IGF2BP2: variants seen among roughly 807,000 people sequenced by gnomAD.
IGF2BP2 encodes the protein insulin like growth factor 2 mRNA binding protein 2, also known as insulin-like growth factor 2 mRNA-binding protein 2.
Under a neutral mutation model 75.8 loss-of-function variants are expected in IGF2BP2, and 17 were observed. The ratio of observed to expected loss-of-function variants is 0.22; its 90% CI spans 0.15 to 0.34. The LOEUF is 0.34. Ranked by LOEUF, IGF2BP2 falls within the 10% of genes least tolerant of loss-of-function variation. IGF2BP2 has a pLI of 1.00. For missense variants in IGF2BP2, 516 were observed against 772.4 expected, an observed-to-expected ratio of 0.67 and a Z score of 3.93; for synonymous variants, 288 against 295.6, an observed-to-expected ratio of 0.97 and a Z score of 0.26.
At chr3:185,801,712 GCA>G (rs1738305476) in intron 2 of IGF2BP2, among the ~76,000 whole-genome samples, 1 of 151,976 alleles carries the variant, frequency 6.6e-6, no homozygotes. Context: ...ATAAACACAT[GCA>G]CACTTATGTT....
chr3:185,661,025 TAAG>T, intron 10 of IGF2BP2, among the ~76,000 whole-genome samples: 1 of 152,308 alleles, frequency 6.6e-6, no homozygotes, highest in Non-Finnish European at 1.5e-5. Flanking sequence ...GAACTCAGGG[TAAG>T]AAAGAGATTT....
At chr3:185,740,884 C>T (rs1729458450) in intron 2 of IGF2BP2, among the ~76,000 whole-genome samples, 1 of 152,070 alleles carries the variant, frequency 6.6e-6, no homozygotes, top group Non-Finnish European at 1.5e-5. Context: ...TTTTATTTTA[C>T]TTATTTATTT....
chr3:185,788,953 T>C (rs1028869049), intron 2 of IGF2BP2, among the ~76,000 whole-genome samples: 4 of 152,146 alleles, frequency 2.6e-5, no homozygotes, highest in Non-Finnish European at 5.9e-5. Context: ...CCTCAGGTGA[T>C]CTGCCTGCCT....
chr3:185,675,875 C>G lies in IGF2BP2; in HGVS notation c.851G>C (p.Gly284Ala). ...TTTTCCAATCAGTCTTCCAACCAAG[C>G]CATTGTGTGCCAAGATTTTCAGAGG... ...EIPLKILAHN[G>A]LVGRLIGKEG... Residue 284 changes from glycine to alanine, a missense_variant, in exon 8 of 16, where the codon GGC becomes GCC. Gly to Ala is a moderately conservative substitution (Grantham distance 60). Around this residue, in one of 3 missense-constraint regions of IGF2BP2, gnomAD observed 312 missense variants for 474.5 expected, o/e 0.66. Transcript: ENST00000382199. 1 of 1,614,042 alleles carries G rather than the reference C, an allele frequency of 6.2e-7. No individual in the cohort carries two copies. The highest frequency in any genetic ancestry group is 8.5e-7 in the Non-Finnish European group (1 of 1,179,968).
At chr3:185,760,638 T>C (rs1160206681) in intron 2 of IGF2BP2, among the ~76,000 whole-genome samples, 2 of 152,176 alleles carry the variant, frequency 1.3e-5, no homozygotes, top group Admixed American at 1.3e-4. Context: ...TACTCCACTC[T>C]CACACTGTGT....
At chr3:185,823,647 C>G (rs1437837136) in intron 1 of IGF2BP2, among the ~76,000 whole-genome samples, 1 of 151,954 alleles carries the variant, frequency 6.6e-6, no homozygotes. Flanking sequence ...CCCGAGAAAA[C>G]GAGCCGAAGC....
intron 2 of IGF2BP2, among the ~76,000 whole-genome samples, chr3:185,820,763 G>C (rs1214428235): frequency 6.6e-6 from 1 of 152,056 alleles, no homozygotes; most frequent in Non-Finnish European, 1.5e-5. Context: ...TAATTCTTGA[G>C]AAATCAAAGA....
intron 2 of IGF2BP2, among the ~76,000 whole-genome samples, chr3:185,814,280 ACT>A (rs1210913849): frequency 6.6e-6 from 1 of 151,856 alleles, no homozygotes; most frequent in Non-Finnish European, 1.5e-5. Flanking sequence ...TCTACCTCTG[ACT>A]CTCTTAAATA....
At chr3:185,692,853 A>C (rs1448852253) in intron 4 of IGF2BP2, 91 bp from the exon 5 acceptor site, 10 of 1,091,484 alleles carry the variant, frequency 9.2e-6, no homozygotes, top group Non-Finnish European at 1.1e-5. Context: ...AGAAAAATGC[A>C]TAAAACCCTC....
chr3:185,721,059 T>C (rs1484923384), intron 2 of IGF2BP2, among the ~76,000 whole-genome samples: 1 of 152,140 alleles, frequency 6.6e-6, no homozygotes, highest in African/African-American at 2.4e-5. Context: ...AAATGCCACC[T>C]CCTGTGTACT....
At chr3:185,720,622 G>A (rs1005151896) in intron 2 of IGF2BP2, among the ~76,000 whole-genome samples, 3 of 152,186 alleles carry the variant, frequency 2.0e-5, no homozygotes, top group Non-Finnish European at 4.4e-5. Context: ...GGTCTGTTGT[G>A]ATATCTAAGG....
At chr3:185,663,665 C>T (rs1716836809) in intron 10 of IGF2BP2, among the ~76,000 whole-genome samples, 1 of 152,110 alleles carries the variant, frequency 6.6e-6, no homozygotes, top group African/African-American at 2.4e-5. Flanking sequence ...GTGCAAAGCG[C>T]AAGGACCAGG....
At chr3:185,802,817 C>G (rs532639349) in intron 2 of IGF2BP2, among the ~76,000 whole-genome samples, 1 of 152,280 alleles carries the variant, frequency 6.6e-6, no homozygotes, top group South Asian at 2.1e-4. Flanking sequence ...ATGAGAACAT[C>G]CACAAACACT....
intron 2 of IGF2BP2, chr3:185,717,389 C>G (rs540559422): frequency 6.5e-6 from 1 of 153,338 alleles, no homozygotes; most frequent in Non-Finnish European, 1.5e-5. Context: ...ATGCCTCTTC[C>G]TCCCATAGAT....
chr3:185,761,173 A>G (rs980394889), intron 2 of IGF2BP2, among the ~76,000 whole-genome samples: 15 of 152,174 alleles, frequency 9.9e-5, no homozygotes, highest in Admixed American at 5.2e-4. Flanking sequence ...TTAGGCTCCA[A>G]CGAAAGGATA....
At chr3:185,722,553 G>A in intron 2 of IGF2BP2, 1 of 253,682 alleles carries the variant, frequency 3.9e-6, no homozygotes, top group Non-Finnish European at 7.7e-6. Flanking sequence ...ATGGTGGGAA[G>A]GTGGGAAGGT....
chr3:185,674,158 A>G (rs142668190), intron 9 of IGF2BP2, among the ~76,000 whole-genome samples: 121 of 152,344 alleles, frequency 7.9e-4, no homozygotes, highest in African/African-American at 2.8e-3. Context: ...CCTGGGTTTA[A>G]TCTAAAGAGT....
chr3:185,692,767 G>A lies in IGF2BP2; in HGVS notation c.341-5C>T, dbSNP rs985263650. 6.2e-7 allele frequency: 1 copy of A among 1,613,382 alleles called. No individual in the cohort carries two copies. The highest frequency in any genetic ancestry group is 8.5e-7 in the Non-Finnish European group (1 of 1,179,716). ...CGGTTTCTGTGTCTGTGTTGACTAG[G>A]GAAAAGGCAAAAACTACACTGTCAT... On this transcript the variant is annotated splice_polypyrimidine_tract_variant and splice_region_variant and intron_variant, in intron 4 of 15. Coordinates refer to ENST00000382199, the MANE Select transcript of IGF2BP2 (RefSeq NM_006548.6).
chr3:185,822,609 T>C (rs1222905426), intron 2 of IGF2BP2, among the ~76,000 whole-genome samples: 1 of 152,206 alleles, frequency 6.6e-6, no homozygotes, highest in African/African-American at 2.4e-5. Context: ...TCTCAGTGAC[T>C]GAAAAAGTCC....
Sources: gnomAD v4.1 joint callset for allele counts (sites outside exome capture counted in the v4.1 genomes callset) on GRCh38, gnomAD v4.1.1 for gene constraint, gnomAD v4.1.1 regional missense constraint, MANE v1.5 for transcripts, NCBI Gene and HGNC (gene_info 2026-07-23, HGNC 2026-07-21) for gene names.